KDM1A: variants seen among roughly 807,000 people sequenced by gnomAD.
The protein encoded by KDM1A is lysine-specific histone demethylase 1A.
A neutral mutation model predicts 109.4 loss-of-function variants in KDM1A; 49 were observed. That is an observed-to-expected ratio of 0.45 (90% CI 0.36 to 0.57). The LOEUF is 0.57. Among genes scored for constraint, KDM1A ranks in the 20% least tolerant of loss-of-function variants. The probability of loss-of-function intolerance (pLI) is 0.00; values close to 1 mark genes in which losing one functional copy is unlikely to be tolerated. For synonymous variants in KDM1A, 380 were observed against 415.4 expected, an observed-to-expected ratio of 0.91 and a Z score of 1.04; for missense variants, 668 against 1,116.6, an observed-to-expected ratio of 0.60 and a Z score of 5.73.
chr1:23,055,915 T>C lies in KDM1A; in HGVS notation c.884-17T>C, dbSNP rs1313464695. ...TATACCTAAAACAAAATCTTTTTTT[T>C]CATTTTTTGCTTTTAGCTAAAAAGA... On this transcript the variant is annotated splice_polypyrimidine_tract_variant and intron_variant, in intron 6 of 20. Coordinates refer to ENST00000400181, the MANE Select transcript of KDM1A (RefSeq NM_001009999.3). The C allele has an allele frequency of 6.4e-7, 1 of 1,554,332 alleles. No individual in the cohort carries two copies. The highest frequency in any genetic ancestry group is 1.8e-5 in the Admixed American group (1 of 55,614).
At chr1:23,042,509 G>A (rs1004676696) in intron 2 of KDM1A, among the ~76,000 whole-genome samples, 1 of 118,736 alleles carries the variant, frequency 8.4e-6, no homozygotes, top group African/African-American at 3.1e-5. Flanking sequence ...CTGGAGTGCA[G>A]TGGCGGGATC....
chr1:23,066,619 C>T (rs772693997), intron 10 of KDM1A, among the ~76,000 whole-genome samples: 1 of 152,138 alleles, frequency 6.6e-6, no homozygotes, highest in Non-Finnish European at 1.5e-5. Context: ...AGTAGTCCCT[C>T]TTGGCTGCTA....
intron 9 of KDM1A, among the ~76,000 whole-genome samples, chr1:23,060,166 G>A (rs1033163991): frequency 1.3e-5 from 2 of 152,140 alleles, no homozygotes; most frequent in African/African-American, 2.4e-5. Flanking sequence ...GAGAGAGAAA[G>A]GATGAAATAG....
At chr1:23,060,038 G>A (rs927713522) in intron 9 of KDM1A, among the ~76,000 whole-genome samples, 2 of 152,176 alleles carry the variant, frequency 1.3e-5, no homozygotes, top group Non-Finnish European at 1.5e-5. Flanking sequence ...TATCAGAGAA[G>A]GACAGACTCT....
intron 2 of KDM1A, among the ~76,000 whole-genome samples, chr1:23,032,939 G>A (rs1301124135): frequency 5.3e-5 from 8 of 152,114 alleles, no homozygotes; most frequent in Admixed American, 2.0e-4. Context: ...TCGCTCTGTC[G>A]CCCAGGCTGG....
At chr1:23,055,207 C>G in intron 6 of KDM1A, 46 bp downstream of exon 6, 1 of 1,150,438 alleles carries the variant, frequency 8.7e-7, no homozygotes, top group Non-Finnish European at 1.3e-6. Context: ...TTTTAAGTTA[C>G]GGTTTCAGGA....
intron 2 of KDM1A, among the ~76,000 whole-genome samples, chr1:23,039,839 T>G (rs1039152330): frequency 2.6e-5 from 4 of 152,260 alleles, no homozygotes; most frequent in Non-Finnish European, 5.9e-5. Context: ...ATTTTTCATC[T>G]TTTCTCAACT....
chr1:23,026,831 T>G lies in KDM1A; in HGVS notation c.352-3638T>G, dbSNP rs564767265. Among the ~76,000 whole-genome samples the G allele has an allele frequency of 2.0e-5, 3 of 152,330 alleles. No individual in the cohort carries two copies. In the East Asian group the frequency reaches 5.8e-4, roughly 29 times the overall value. ...AAGTAAGAATAATTACCCTACTCACTCATAGTCTGCCTGTTGGGACATCTT... is the reference window on the plus strand; with the variant it reads ...AAGTAAGAATAATTACCCTACTCACGCATAGTCTGCCTGTTGGGACATCTT... On this transcript the variant is annotated intron_variant, in intron 1 of 20. Transcript: ENST00000400181.
At chr1:23,064,977 C>T (rs1055747875) in intron 9 of KDM1A, among the ~76,000 whole-genome samples, 2 of 152,098 alleles carry the variant, frequency 1.3e-5, no homozygotes, top group Admixed American at 6.5e-5. Flanking sequence ...GTCCTTTCCC[C>T]AAAAATGTTT....
chr1:23,071,963 A>G (rs1242949566), intron 13 of KDM1A, among the ~76,000 whole-genome samples, 161 bp from the exon 14 acceptor site: 1 of 152,106 alleles, frequency 6.6e-6, no homozygotes, highest in Non-Finnish European at 1.5e-5. Flanking sequence ...CCAAAAACAA[A>G]AATCTCTCAG....
intron 1 of KDM1A, 115 bp from the exon 2 acceptor site, chr1:23,030,354 C>T: frequency 2.7e-6 from 2 of 733,198 alleles, no homozygotes; most frequent in Non-Finnish European, 4.1e-6. Context: ...TTGTTGTATG[C>T]TTACTTCCCT....
chr1:23,042,435 A>ATATTAT (rs1404004021), intron 2 of KDM1A, among the ~76,000 whole-genome samples: 1,822 of 58,454 alleles, frequency 0.031, 89 homozygotes, highest in African/African-American at 0.047. Context: ...TCTATGAAAT[A>ATATTAT]TATTATTTTT....
At chr1:23,020,058 T>A in intron 1 of KDM1A, 111 bp downstream of exon 1, 1 of 1,138,322 alleles carries the variant, frequency 8.8e-7, no homozygotes, top group East Asian at 3.2e-5. Flanking sequence ...CACTCAGACC[T>A]CCCCTTGTAT....
At chr1:23,051,152 G>C (rs141054911) in intron 4 of KDM1A, among the ~76,000 whole-genome samples, 24 of 152,172 alleles carry the variant, frequency 1.6e-4, no homozygotes, top group African/African-American at 5.1e-4. Flanking sequence ...CCTTCCCTCT[G>C]AAGAGAAATC....
intron 12 of KDM1A, among the ~76,000 whole-genome samples, chr1:23,070,777 C>T (rs1301182506): frequency 2.6e-5 from 4 of 151,064 alleles, no homozygotes; most frequent in Non-Finnish European, 5.9e-5. Flanking sequence ...CACTGCACTC[C>T]AGCCTGGGCG....
chr1:23,057,301 C>T (rs1039011117), intron 7 of KDM1A, among the ~76,000 whole-genome samples, 183 bp from the exon 8 acceptor site: 1 of 152,162 alleles, frequency 6.6e-6, no homozygotes, highest in African/African-American at 2.4e-5. Flanking sequence ...CCTGCTTCTC[C>T]TTCAAATAGT....
chr1:23,070,781 C>T (rs1643294954), intron 12 of KDM1A, among the ~76,000 whole-genome samples: 2 of 151,630 alleles, frequency 1.3e-5, no homozygotes, highest in African/African-American at 4.8e-5. Flanking sequence ...GCACTCCAGC[C>T]TGGGCGACAG....
intron 3 of KDM1A, among the ~76,000 whole-genome samples, chr1:23,047,061 G>A (rs1039232884): frequency 2.0e-5 from 3 of 152,150 alleles, no homozygotes; most frequent in Admixed American, 6.5e-5. Context: ...TATTCTAAAA[G>A]ATTTTTCCTC....
intron 4 of KDM1A, 62 bp downstream of exon 4, chr1:23,050,582 A>G: frequency 7.7e-7 from 1 of 1,293,040 alleles, no homozygotes; most frequent in Non-Finnish European, 1.0e-6. Flanking sequence ...TTTGATAGAG[A>G]ATATGGGAAA....
Sources: allele counts gnomAD v4.1 joint callset (sites outside exome capture counted in the v4.1 genomes callset), GRCh38; gene constraint gnomAD v4.1.1; transcripts MANE v1.5; gene names NCBI Gene and HGNC (gene_info 2026-07-23, HGNC 2026-07-21).